DAB2IP: variants seen among roughly 807,000 people sequenced by gnomAD.
The protein encoded by DAB2IP is disabled homolog 2-interacting protein.
In DAB2IP, 28 loss-of-function variants were observed where a neutral mutation model predicts 107.2. That is an observed-to-expected ratio of 0.26 (90% CI 0.19 to 0.36). DAB2IP has a LOEUF of 0.36. DAB2IP is among the 10% of genes least tolerant of loss of function. The pLI is 1.00. For missense variants in DAB2IP, 1,400 were observed against 1,644.7 expected (o/e 0.85, Z 2.57); for synonymous variants, 755 against 706.4 (o/e 1.07, Z -1.09).
intron 1 of DAB2IP, among the ~76,000 whole-genome samples, chr9:121,654,402 G>C (rs1040526156): frequency 2.0e-5 from 3 of 152,092 alleles, no homozygotes; most frequent in African/African-American, 7.2e-5. Context: ...GACCAGCCTG[G>C]GCAACATAGC....
chr9:121,670,985 T>C (rs145015421), intron 1 of DAB2IP, among the ~76,000 whole-genome samples: 37 of 152,208 alleles, frequency 2.4e-4, no homozygotes, highest in Non-Finnish European at 4.7e-4. Context: ...ACCCCGTCTC[T>C]ACTAAAAATA....
chr9:121,595,666 T>TA (rs1381795171), intron 1 of DAB2IP, among the ~76,000 whole-genome samples: 3 of 151,610 alleles, frequency 2.0e-5, no homozygotes, highest in Admixed American at 6.6e-5. Context: ...GATGTGTGAA[T>TA]GTGTGAAGCT....
intron 1 of DAB2IP, among the ~76,000 whole-genome samples, chr9:121,620,985 G>T (rs997180790): frequency 3.3e-5 from 5 of 152,148 alleles, no homozygotes; most frequent in African/African-American, 1.2e-4. Context: ...TTCCTCTCTC[G>T]CATTCACCTG....
intron 3 of DAB2IP, among the ~76,000 whole-genome samples, chr9:121,712,662 A>G (rs1439912671): frequency 1.3e-5 from 2 of 152,152 alleles, no homozygotes; most frequent in African/African-American, 2.4e-5. Flanking sequence ...TGTGGTTGAC[A>G]TTGGGGAAAG....
intron 3 of DAB2IP, among the ~76,000 whole-genome samples, chr9:121,708,963 G>C (rs1830193636): frequency 6.6e-6 from 1 of 152,200 alleles, no homozygotes; most frequent in Non-Finnish European, 1.5e-5. Context: ...AGGTGATGGG[G>C]GATCTGCGCC....
chr9:121,632,126 G>A (rs368964903), intron 1 of DAB2IP, among the ~76,000 whole-genome samples: 109 of 152,316 alleles, frequency 7.2e-4, no homozygotes, highest in African/African-American at 2.6e-3. Context: ...GGGACTGACC[G>A]CCTGGGTTTG....
intron 2 of DAB2IP, among the ~76,000 whole-genome samples, chr9:121,697,067 A>C (rs1829465271): frequency 6.6e-6 from 1 of 152,038 alleles, no homozygotes; most frequent in Non-Finnish European, 1.5e-5. Context: ...TGGGTGGGGG[A>C]GTTACCATTC....
At chr9:121,686,608 G>C (rs925202582) in intron 2 of DAB2IP, among the ~76,000 whole-genome samples, 1 of 152,152 alleles carries the variant, frequency 6.6e-6, no homozygotes, top group African/African-American at 2.4e-5. Flanking sequence ...CCCAGGGATA[G>C]TCCCCCCAAC....
chr9:121,769,873 A>T (rs1420441185), intron 10 of DAB2IP, among the ~76,000 whole-genome samples: 1 of 152,142 alleles, frequency 6.6e-6, no homozygotes, highest in African/African-American at 2.4e-5. Context: ...GGGATTTGAA[A>T]CTCAACTGTT....
intron 1 of DAB2IP, among the ~76,000 whole-genome samples, chr9:121,581,399 A>C (rs1830192133): frequency 6.6e-6 from 1 of 152,158 alleles, no homozygotes; most frequent in Admixed American, 6.5e-5. Flanking sequence ...GGCAGCTCTG[A>C]CTATCTTCCT....
At chr9:121,583,909 TG>T (rs1830259740) in intron 1 of DAB2IP, among the ~76,000 whole-genome samples, 1 of 152,166 alleles carries the variant, frequency 6.6e-6, no homozygotes, top group Non-Finnish European at 1.5e-5. Flanking sequence ...TCAGGCGTGG[TG>T]GCTCATGCCT....
chr9:121,763,162 C>T (rs751674346), intron 6 of DAB2IP, among the ~76,000 whole-genome samples: 6 of 152,186 alleles, frequency 3.9e-5, no homozygotes, highest in Non-Finnish European at 7.4e-5. Flanking sequence ...GCTGTGGTCA[C>T]CAGGCCAGGC....
At chr9:121,657,755 A>G (rs1303959790) in intron 1 of DAB2IP, among the ~76,000 whole-genome samples, 1 of 152,096 alleles carries the variant, frequency 6.6e-6, no homozygotes, top group Non-Finnish European at 1.5e-5. Context: ...TCATTCTTCT[A>G]TCTCCATCCT....
intron 1 of DAB2IP, among the ~76,000 whole-genome samples, chr9:121,592,371 A>G (rs996707711): frequency 2.0e-5 from 3 of 152,114 alleles, no homozygotes; most frequent in Non-Finnish European, 2.9e-5. Flanking sequence ...ATCTCAAAAA[A>G]AAAAAAGAAA....
chr9:121,755,523 C>G (rs1469469501), intron 3 of DAB2IP, among the ~76,000 whole-genome samples: 1 of 152,186 alleles, frequency 6.6e-6, no homozygotes, highest in African/African-American at 2.4e-5. Context: ...ACTGGGGCTC[C>G]TGGGCTGGCC....
chr9:121,597,739 C>T lies in DAB2IP; in HGVS notation c.40+30511C>T, dbSNP rs190106791. 9.2e-5 allele frequency among the ~76,000 whole-genome samples: 14 copies of T among 152,296 alleles called. 1 individual carries two copies. The East Asian group carries it at 2.3e-3, about 25-fold the overall frequency. ...AGAAGGTAAAACTGAGAAGATAAAA[C>T]AGAGGTAAGATGATTTGCCAAGGTC... On this transcript the variant is annotated intron_variant, in intron 1 of 16. Transcript: ENST00000259371.
At chr9:121,569,619 A>AG (rs1829886921) in intron 1 of DAB2IP, among the ~76,000 whole-genome samples, 1 of 152,236 alleles carries the variant, frequency 6.6e-6, no homozygotes, top group South Asian at 2.1e-4. Context: ...CAGGAGTTTG[A>AG]GGCCAGCCTG....
chr9:121,572,020 C>A (rs1222821345), intron 1 of DAB2IP, among the ~76,000 whole-genome samples: 1 of 152,072 alleles, frequency 6.6e-6, no homozygotes, highest in African/African-American at 2.4e-5. Context: ...CTGGTGCCAG[C>A]CCCTTGGAGC....
chr9:121,676,606 T>C (rs781424391), intron 1 of DAB2IP, among the ~76,000 whole-genome samples: 1 of 144,966 alleles, frequency 6.9e-6, no homozygotes, highest in Non-Finnish European at 1.5e-5. Flanking sequence ...GCAACCAGCT[T>C]AGGCGTAGGT....
Sources: allele counts gnomAD v4.1 joint callset (sites outside exome capture counted in the v4.1 genomes callset), GRCh38; gene constraint gnomAD v4.1.1; transcripts MANE v1.5; gene names NCBI Gene and HGNC (gene_info 2026-07-23, HGNC 2026-07-21).